Variants in CASK observed in about 807,000 individuals in gnomAD.
CASK encodes peripheral plasma membrane protein CASK.
Under a neutral mutation model 82.9 loss-of-function variants are expected in CASK, and 4 were observed. The observed-to-expected ratio is 0.05, with a 90% confidence interval of 0.02 to 0.11. CASK has a LOEUF of 0.11. Among genes scored for constraint, CASK ranks in the 10% least tolerant of loss-of-function variants. The pLI is 1.00. For synonymous variants in CASK, 259 were observed against 253.5 expected, an observed-to-expected ratio of 1.02 and a Z score of -0.20; for missense variants, 358 against 720.9, an observed-to-expected ratio of 0.50 and a Z score of 5.76.
intron 8 of CASK, among the ~76,000 whole-genome samples, chrX:41,640,772 A>C (rs2066635376): frequency 9.0e-6 from 1 of 111,200 alleles, no homozygotes; most frequent in African/African-American, 3.3e-5. Flanking sequence ...AAATATGTTT[A>C]AGTTTACTAC....
chrX:41,743,922 A>C (rs1054896090), intron 4 of CASK, among the ~76,000 whole-genome samples: 6 of 110,791 alleles, frequency 5.4e-5, no homozygotes, highest in Admixed American at 1.9e-4. Flanking sequence ...AGCCTGGCCA[A>C]CATGGTGAAA....
At chrX:41,919,084 C>T (rs1288599254) in intron 1 of CASK, among the ~76,000 whole-genome samples, 1 of 112,249 alleles carries the variant, frequency 8.9e-6, no homozygotes, top group Non-Finnish European at 1.9e-5. Context: ...TTTATTAAAA[C>T]TACTCAATTC....
At chrX:41,873,050 C>T (rs2071733419) in intron 1 of CASK, among the ~76,000 whole-genome samples, 1 of 110,850 alleles carries the variant, frequency 9.0e-6, no homozygotes, top group Non-Finnish European at 1.9e-5. Context: ...GAAGTAATAA[C>T]AAACAAAAGG....
In CASK at chrX:41,685,360, T is replaced by C. The variant is rs759924216; in HGVS notation, c.430-13830A>G. On this transcript the variant is annotated intron_variant, in intron 5 of 26. Coordinates refer to ENST00000378163, the MANE Select transcript of CASK (RefSeq NM_001367721.1). ...GTAACTATTTTTATCAGTTTTCAGT[T>C]TATCCTTCAGTTTTTTAAAAATAAG... Among the ~76,000 whole-genome samples, 140 of 112,872 alleles carry C rather than the reference T, an allele frequency of 1.2e-3. 2 individuals carry two copies. The highest frequency in any genetic ancestry group is 4.4e-3 in the African/African-American group (136 of 31,173).
chrX:41,702,973 T>G (rs897169639), intron 5 of CASK, among the ~76,000 whole-genome samples: 8 of 111,945 alleles, frequency 7.1e-5, no homozygotes, highest in African/African-American at 2.6e-4. Context: ...TTATTAGTTT[T>G]GCTTCTGGCC....
chrX:41,535,110 G>T, intron 22 of CASK, 137 bp from the exon 23 acceptor site: 1 of 459,558 alleles, frequency 2.2e-6, no homozygotes. Context: ...ATGATATATG[G>T]CTTACATGTA....
At chrX:41,672,649 T>G (rs1468569407) in intron 5 of CASK, among the ~76,000 whole-genome samples, 1 of 111,893 alleles carries the variant, frequency 8.9e-6, no homozygotes, top group Non-Finnish European at 1.9e-5. Context: ...GTGGGAGGAA[T>G]CCTTACTCTG....
chrX:41,674,830 C>A (rs1291017085), intron 5 of CASK, among the ~76,000 whole-genome samples: 2 of 110,903 alleles, frequency 1.8e-5, no homozygotes, highest in Non-Finnish European at 3.8e-5. Context: ...TTGAAAAGTC[C>A]ATTCATAAAA....
chrX:41,916,418 A>G (rs1318639089), intron 1 of CASK, among the ~76,000 whole-genome samples: 1 of 111,901 alleles, frequency 8.9e-6, no homozygotes, highest in African/African-American at 3.3e-5. Context: ...AAGGAGAGCA[A>G]GTTCTGTAGC....
intron 26 of CASK, among the ~76,000 whole-genome samples, chrX:41,521,715 C>T (rs1301914603): frequency 8.9e-6 from 1 of 112,140 alleles, no homozygotes; most frequent in African/African-American, 3.2e-5. Context: ...TAACCACCCC[C>T]TACCTGCCAA....
At chrX:41,683,990 G>A (rs960332998) in intron 5 of CASK, among the ~76,000 whole-genome samples, 1 of 111,768 alleles carries the variant, frequency 8.9e-6, no homozygotes, top group Non-Finnish European at 1.9e-5. Flanking sequence ...AGTCTATGCT[G>A]ATGTAAATAA....
intron 8 of CASK, among the ~76,000 whole-genome samples, chrX:41,648,616 C>T (rs2066805069): frequency 9.0e-6 from 1 of 111,464 alleles, no homozygotes; most frequent in Non-Finnish European, 1.9e-5. Context: ...TGTACTCTGT[C>T]CCTTTATTTA....
At position 41,922,944 on chromosome X, in the gene CASK, G is replaced by A. The variant is rs776956039; in HGVS notation, c.45C>T (p.Cys15=). ...DVLFEDVYEL[C]EVIGKGPFSV... Reference sequence around the variant, plus strand: ...TGGAGACTCACTTTCCGATCACCTCGCACAGCTCGTACACATCCTCGAACA... The same window carrying A: ...TGGAGACTCACTTTCCGATCACCTCACACAGCTCGTACACATCCTCGAACA... Residue 15 remains cysteine (C), a synonymous_variant, in exon 1 of 27, where the codon TGC becomes TGT. Coordinates refer to ENST00000378163, the MANE Select transcript of CASK (RefSeq NM_001367721.1). The A allele has an allele frequency of 8.3e-7, 1 of 1,210,542 alleles. No homozygotes were observed. Among genetic ancestry groups the A allele is most frequent in the Non-Finnish European group, 1.1e-6 (1 of 894,494 alleles).
chrX:41,615,341 C>A lies in CASK; in HGVS notation c.1034-5316G>T, dbSNP rs369791435. Among the ~76,000 whole-genome samples the A allele has an allele frequency of 1.8e-3, 198 of 111,144 alleles. 1 individual carries two copies. The highest frequency in any genetic ancestry group is 3.1e-3 in the Non-Finnish European group (162 of 53,068). On this transcript the variant is annotated intron_variant, in intron 11 of 26. Transcript: ENST00000378163. The stretch of plus-strand genomic sequence containing the variant: ...AAAAAATCTGGAAATTAGTTAAAAG[C>A]CAATTTTCTCTTCATCCTTTACTGA...
chrX:41,612,213 A>C (rs2066074350), intron 11 of CASK, among the ~76,000 whole-genome samples: 1 of 106,837 alleles, frequency 9.4e-6, no homozygotes, highest in Non-Finnish European at 1.9e-5. Flanking sequence ...CTGGAAAGTG[A>C]GGAGCATCTC....
rs192496051 is a variant in CASK at position 41,738,020 on chromosome X, G to C, written c.429+1364C>G. ...GACGGAGTCTCGCTCTGTCGCCCAG[G>C]CTGGAGTGCAGTGGCACAATCTCGG... On this transcript the variant is annotated intron_variant, in intron 5 of 26. Transcript: ENST00000378163. Among the ~76,000 whole-genome samples, 145 of 113,335 alleles carry C rather than the reference G, an allele frequency of 1.3e-3. 2 individuals carry two copies. The highest frequency in any genetic ancestry group is 4.5e-3 in the African/African-American group (141 of 31,290).
In CASK at chrX:41,701,293, A is replaced by C. The variant is rs749361396; in HGVS notation, c.430-29763T>G. On this transcript the variant is annotated intron_variant, in intron 5 of 26. Coordinates refer to ENST00000378163, the MANE Select transcript of CASK (RefSeq NM_001367721.1). ...AGAACTTTCAAACAAAATAATAGAA[A>C]TAACTATAGGGAAAAATTCATAGAT... 6.2e-5 allele frequency among the ~76,000 whole-genome samples: 7 copies of C among 112,150 alleles called. No individual in the cohort carries two copies. In the East Asian group the frequency reaches 2.0e-3, roughly 31 times the overall value.
At chrX:41,807,715 CAT>C (rs1434837368) in intron 2 of CASK, among the ~76,000 whole-genome samples, 3 of 111,138 alleles carry the variant, frequency 2.7e-5, no homozygotes, top group African/African-American at 9.8e-5. Flanking sequence ...AAGCACAAGA[CAT>C]AGAGAGAAAA....
intron 25 of CASK, among the ~76,000 whole-genome samples, chrX:41,528,580 G>C (rs2064748014): frequency 8.9e-6 from 1 of 112,462 alleles, no homozygotes; most frequent in African/African-American, 3.2e-5. Context: ...AATGAGGAAG[G>C]AATTTCATCC....
Sources: allele counts gnomAD v4.1 joint callset (sites outside exome capture counted in the v4.1 genomes callset), GRCh38; gene constraint gnomAD v4.1.1; transcripts MANE v1.5; gene names NCBI Gene and HGNC (gene_info 2026-07-23, HGNC 2026-07-21).